RANBP2: variants seen among roughly 807,000 people sequenced by gnomAD.
The protein encoded by RANBP2 is E3 SUMO-protein ligase RanBP2.
A neutral mutation model predicts 303.6 loss-of-function variants in RANBP2; 57 were observed. The observed-to-expected ratio is 0.19, with a 90% CI of 0.15 to 0.23. The LOEUF (loss-of-function observed/expected upper bound fraction) is 0.23, where lower values mean the gene tolerates loss of function less well. Ranked by LOEUF, RANBP2 falls within the 10% of genes least tolerant of loss-of-function variation. RANBP2 has a pLI of 1.00. For synonymous variants in RANBP2, 1,167 were observed against 1,301.5 expected (o/e 0.90, Z 2.23); for missense variants, 3,138 against 3,780.8 (o/e 0.83, Z 4.46).
chr2:108,817,681 T>A, the RANBP2 span, among the ~76,000 whole-genome samples: 8 of 152,190 alleles, frequency 5.3e-5, no homozygotes, highest in African/African-American at 1.9e-4. Context: ...GCAAACTGGA[T>A]TCCACATGCA....
the RANBP2 span, among the ~76,000 whole-genome samples, chr2:109,646,029 C>G: frequency 1.3e-5 from 2 of 152,224 alleles, no homozygotes; most frequent in South Asian, 4.1e-4. Context: ...AAGCCTGACA[C>G]CAGCTGAGCT....
the RANBP2 span, among the ~76,000 whole-genome samples, chr2:108,842,861 T>C: frequency 7.1e-4 from 108 of 152,328 alleles, no homozygotes; most frequent in African/African-American, 2.4e-3. Flanking sequence ...GTAGAACTTA[T>C]TCAGTCTATT....
chr2:108,886,551 A>G, the RANBP2 span, among the ~76,000 whole-genome samples: 1 of 152,120 alleles, frequency 6.6e-6, no homozygotes, highest in Admixed American at 6.5e-5. Flanking sequence ...AGTAGCTGGG[A>G]CTACAGGCGC....
At chr2:109,034,401 C>T in the RANBP2 span, among the ~76,000 whole-genome samples, 1 of 151,988 alleles carries the variant, frequency 6.6e-6, no homozygotes, top group African/African-American at 2.4e-5. Context: ...CAGGGCCATG[C>T]CCCAGAGGAA....
At chr2:109,517,167 G>A in the RANBP2 span, among the ~76,000 whole-genome samples, 1 of 151,306 alleles carries the variant, frequency 6.6e-6, no homozygotes, top group Non-Finnish European at 1.5e-5. Context: ...CACCCGGAAT[G>A]TGCAAAGGGT....
At chr2:109,422,533 C>A in the RANBP2 span, among the ~76,000 whole-genome samples, 1 of 152,202 alleles carries the variant, frequency 6.6e-6, no homozygotes, top group Admixed American at 6.5e-5. Context: ...TCAGTTTGCT[C>A]ACCCAGTGCA....
At chr2:109,645,267 G>T in the RANBP2 span, among the ~76,000 whole-genome samples, 2 of 152,200 alleles carry the variant, frequency 1.3e-5, no homozygotes, top group African/African-American at 4.8e-5. Flanking sequence ...GTGAAGGGAG[G>T]TTGCAAATAC....
chr2:108,818,932 A>G, the RANBP2 span, among the ~76,000 whole-genome samples: 1 of 152,138 alleles, frequency 6.6e-6, no homozygotes, highest in African/African-American at 2.4e-5. Context: ...GGTATACCTT[A>G]TAAGACTGAT....
At chr2:109,400,623 C>T in the RANBP2 span, among the ~76,000 whole-genome samples, 7 of 152,058 alleles carry the variant, frequency 4.6e-5, no homozygotes, top group Admixed American at 4.6e-4. Flanking sequence ...TCCACATACA[C>T]ACCCACACAT....
chr2:109,145,118 CTCTG>C, the RANBP2 span, among the ~76,000 whole-genome samples: 4 of 152,344 alleles, frequency 2.6e-5, no homozygotes, highest in African/African-American at 9.6e-5. Context: ...CCCTCACCGG[CTCTG>C]TCTGTGTCTC....
intron 6 of RANBP2, among the ~76,000 whole-genome samples, chr2:108,739,315 A>G (rs886493579): frequency 2.0e-5 from 3 of 152,196 alleles, no homozygotes; most frequent in Non-Finnish European, 4.4e-5. Flanking sequence ...AGGCAGAAGA[A>G]TCGCTTGAAC....
At chr2:108,898,038 G>A in the RANBP2 span, among the ~76,000 whole-genome samples, 48 of 152,252 alleles carry the variant, frequency 3.2e-4, no homozygotes, top group African/African-American at 1.1e-3. Flanking sequence ...GACAAAAACA[G>A]CCCCAACAAA....
At chr2:109,075,218 G>A in the RANBP2 span, among the ~76,000 whole-genome samples, 3 of 149,626 alleles carry the variant, frequency 2.0e-5, 1 homozygote, top group Non-Finnish European at 4.5e-5. Flanking sequence ...CAAAATCAGA[G>A]GTTGTTTGTT....
the RANBP2 span, chr2:109,565,936 G>C: frequency 7.9e-7 from 1 of 1,259,256 alleles, no homozygotes; most frequent in Non-Finnish European, 1.2e-6. Context: ...ATGTGAGAGA[G>C]AAGAGAATAA....
At chr2:108,998,381 C>A in the RANBP2 span, among the ~76,000 whole-genome samples, 7 of 152,274 alleles carry the variant, frequency 4.6e-5, no homozygotes, top group Admixed American at 1.3e-4. Flanking sequence ...AATTTTGAGC[C>A]CAGGCTTCGT....
intron 6 of RANBP2, among the ~76,000 whole-genome samples, chr2:108,739,592 A>G (rs1695906169): frequency 6.6e-6 from 1 of 152,182 alleles, no homozygotes. Flanking sequence ...CTTTAAAATC[A>G]TGCTTCACGT....
chr2:109,687,210 T>C, the RANBP2 span, among the ~76,000 whole-genome samples: 10 of 152,228 alleles, frequency 6.6e-5, no homozygotes, highest in African/African-American at 1.7e-4. Context: ...TAGGGCTCAA[T>C]GCACTCAATT....
At chr2:109,452,844 C>T in the RANBP2 span, among the ~76,000 whole-genome samples, 1 of 145,258 alleles carries the variant, frequency 6.9e-6, no homozygotes, top group African/African-American at 2.6e-5. Context: ...GGAGGCTGGT[C>T]CCTGGGAGGC....
chr2:109,463,010 A>G, the RANBP2 span, among the ~76,000 whole-genome samples: 2 of 152,334 alleles, frequency 1.3e-5, no homozygotes, highest in East Asian at 1.9e-4. Flanking sequence ...GCCTGGGAGA[A>G]AGATTAACAG....
Sources: gnomAD v4.1 joint callset for allele counts (sites outside exome capture counted in the v4.1 genomes callset) on GRCh38, gnomAD v4.1.1 for gene constraint, MANE v1.5 for transcripts, NCBI Gene and HGNC (gene_info 2026-07-23, HGNC 2026-07-21) for gene names.